ZBTB41: variants seen among roughly 807,000 people sequenced by gnomAD.
The protein encoded by ZBTB41 is zinc finger and BTB domain-containing protein 41.
Under a neutral mutation model 87.6 loss-of-function variants are expected in ZBTB41, and 42 were observed. The ratio of observed to expected loss-of-function variants is 0.48; its 90% confidence interval spans 0.37 to 0.62. ZBTB41 has a LOEUF of 0.62. Ranked by LOEUF, ZBTB41 falls within the 20% of genes least tolerant of loss-of-function variation. The probability of loss-of-function intolerance (pLI) is 0.00; values close to 1 mark genes in which losing one functional copy is unlikely to be tolerated. For synonymous variants in ZBTB41, 364 were observed against 364.0 expected (o/e 1.00, Z 0.00); for missense variants, 799 against 1,078.9 (o/e 0.74, Z 3.63).
At chr1:197,164,364 C>G (rs1659266335) in intron 10 of ZBTB41, among the ~76,000 whole-genome samples, 1 of 151,708 alleles carries the variant, frequency 6.6e-6, no homozygotes, top group Admixed American at 6.6e-5. Flanking sequence ...AAAAAAGCAT[C>G]AAGGAATCAA....
At position 197,199,674 on chromosome 1, in the gene ZBTB41, C is replaced by T. The variant is rs1330091535; in HGVS notation, c.800G>A (p.Ser267Asn). The T allele has an allele frequency of 1.2e-6, 2 of 1,613,412 alleles. No homozygotes were observed. Among genetic ancestry groups the T allele is most frequent in the African/African-American group, 2.7e-5 (2 of 74,884 alleles). ...ATCACCACTTTCCTGTTCATCATCG[C>T]TGGTGTCATCAAACTTAACAGGGCA... is the stretch of plus-strand genomic sequence containing the variant. ...RKCPVKFDDT[S>N]DDEQESGDGS... Residue 267 changes from serine to asparagine, a missense_variant, in exon 2 of 11, where the codon AGC becomes AAC. This residue lies in a region of ZBTB41 where 294 missense variants were observed against 340.1 expected (regional missense o/e 0.86). Transcript: ENST00000367405.
At chr1:197,173,974 A>G (rs528531354) in intron 9 of ZBTB41, among the ~76,000 whole-genome samples, 1 of 152,284 alleles carries the variant, frequency 6.6e-6, no homozygotes, top group Non-Finnish European at 1.5e-5. Context: ...CAAGAAAAGA[A>G]TTACTTGGTC....
intron 2 of ZBTB41, among the ~76,000 whole-genome samples, chr1:197,197,919 T>G (rs535350618): frequency 6.6e-6 from 1 of 152,206 alleles, no homozygotes; most frequent in African/African-American, 2.4e-5. Flanking sequence ...GTGTTGCACC[T>G]ACAATACCAT....
chr1:197,159,172 T>A lies in ZBTB41; in HGVS notation c.*187A>T. The A allele has an allele frequency of 1.8e-6, 1 of 569,026 alleles. No individual in the cohort carries two copies. Among genetic ancestry groups the A allele is most frequent in the Non-Finnish European group, 3.0e-6 (1 of 332,240 alleles). The allele number at this position is 569,026 out of a possible 1,614,324, so 35.2% of individuals were successfully genotyped here. A position where few individuals can be genotyped will look rare whatever the true frequency, so the allele number is the denominator to read the frequency against. ...ACAAAAATGTGCACTTCAAATATTATGCCAGAAATTTTGTCCAAATATTCA... is the reference window on the plus strand; with the variant it reads ...ACAAAAATGTGCACTTCAAATATTAAGCCAGAAATTTTGTCCAAATATTCA... On this transcript the variant is annotated 3_prime_UTR_variant, in exon 11 of 11. Transcript: ENST00000367405.
At position 197,156,481 on chromosome 1, in the gene ZBTB41, C is replaced by G. The variant is rs1659071921; in HGVS notation, c.*2878G>C. 1 of 152,114 alleles carries G rather than the reference C, an allele frequency of 6.6e-6. No homozygotes were observed. Among genetic ancestry groups the G allele is most frequent in the African/African-American group, 2.4e-5 (1 of 41,382 alleles). 9.4% of individuals were successfully genotyped at this position (152,114 alleles called of 1,614,324 possible). On this transcript the variant is annotated 3_prime_UTR_variant, in exon 11 of 11. Transcript: ENST00000367405. ...TAAAAAAATTCTGAATGAGGCTAAA[C>G]TTAGTTGCAAGATTCAAAATTTTAA...
chr1:197,196,396 C>G (rs1431803665), intron 2 of ZBTB41, among the ~76,000 whole-genome samples: 1 of 152,128 alleles, frequency 6.6e-6, no homozygotes, highest in Non-Finnish European at 1.5e-5. Flanking sequence ...TTCAATGTAT[C>G]ATAACTCTCT....
Position 197,155,696 on chromosome 1 carries a change from CTTT to C in ZBTB41, c.*3660_*3662del, listed in dbSNP as rs1468837567. ...GTCACCCTACAAAGATGCTTTGACA[CTTT>C]TTAAGGTTGATAGAAAATTATTAGT... is the stretch of plus-strand genomic sequence containing the variant. On this transcript the variant is annotated 3_prime_UTR_variant, in exon 11 of 11. Coordinates refer to ENST00000367405, the MANE Select transcript of ZBTB41 (RefSeq NM_194314.3). 1 of 152,380 alleles carries C rather than the reference CTTT, an allele frequency of 6.6e-6. No individual in the cohort carries two copies. Among genetic ancestry groups the C allele is most frequent in the East Asian group, 1.9e-4 (1 of 5,196 alleles). 9.4% of individuals were successfully genotyped at this position (152,380 alleles called of 1,614,324 possible).
rs906095933 is a variant in ZBTB41 at position 197,156,379 on chromosome 1, T to C, written c.*2980A>G. 6.6e-6 allele frequency: 1 copy of C among 152,350 alleles called. No homozygotes were observed. Among genetic ancestry groups the C allele is most frequent in the South Asian group, 2.1e-4 (1 of 4,826 alleles). 9.4% of individuals were successfully genotyped at this position (152,350 alleles called of 1,614,324 possible). A position where few individuals can be genotyped will look rare whatever the true frequency, so the allele number is the denominator to read the frequency against. On this transcript the variant is annotated 3_prime_UTR_variant, in exon 11 of 11. Transcript: ENST00000367405. ...TTAACACATTCCTGCACTTGATAAA[T>C]TATTCAATTTACAGATTAAGTGCTA... is the stretch of plus-strand genomic sequence containing the variant.
intron 3 of ZBTB41, among the ~76,000 whole-genome samples, chr1:197,191,070 C>T (rs1660018685): frequency 6.6e-6 from 1 of 151,910 alleles, no homozygotes; most frequent in Admixed American, 6.6e-5. Flanking sequence ...GTCCAGATTT[C>T]AGTAAATTTA....
intron 3 of ZBTB41, 84 bp downstream of exon 3, chr1:197,191,608 G>A (rs1660036112): frequency 9.3e-7 from 1 of 1,076,734 alleles, no homozygotes; most frequent in Non-Finnish European, 1.3e-6. Flanking sequence ...TTGGAGATAA[G>A]CACTTTATAG....
chr1:197,200,251 T>G lies in ZBTB41; in HGVS notation c.223A>C (p.Lys75Gln). ...TTCTGCCTATCATCATTTAAATATTTTAGCAAATTCTTATTATACTGCAAA... is the reference window on the plus strand; with the variant it reads ...TTCTGCCTATCATCATTTAAATATTGTAGCAAATTCTTATTATACTGCAAA... ...SSLQYNKNLL[K>Q]YLNDDRQKQP... The change falls in exon 2 of 11, where the codon AAA becomes CAA. Residue 75 changes from lysine (K) to glutamine (Q), a missense_variant. This residue lies in a region of ZBTB41 where 59 missense variants were observed against 120.1 expected (regional missense o/e 0.49). Transcript: ENST00000367405. 4 of 1,612,178 alleles carry G rather than the reference T, an allele frequency of 2.5e-6. No homozygotes were observed. The highest frequency in any genetic ancestry group is 3.4e-6 in the Non-Finnish European group (4 of 1,179,538).
chr1:197,165,787 T>C (rs1419434507), intron 10 of ZBTB41, among the ~76,000 whole-genome samples: 3 of 151,958 alleles, frequency 2.0e-5, no homozygotes, highest in Admixed American at 6.6e-5. Context: ...AAAATATATA[T>C]ATAAGCCAGT....
chr1:197,191,435 C>T (rs1364691598), intron 3 of ZBTB41, among the ~76,000 whole-genome samples: 14 of 125,996 alleles, frequency 1.1e-4, no homozygotes, highest in East Asian at 2.4e-4. Flanking sequence ...CCAGCCTGGG[C>T]GACACAGTGA....
At chr1:197,172,833 G>T (rs1334180104) in intron 9 of ZBTB41, among the ~76,000 whole-genome samples, 1 of 151,656 alleles carries the variant, frequency 6.6e-6, no homozygotes, top group Non-Finnish European at 1.5e-5. Context: ...TTATCAAAAA[G>T]GTGAAATTGC....
At chr1:197,180,200 A>G (rs1294441210) in intron 6 of ZBTB41, among the ~76,000 whole-genome samples, 2 of 152,126 alleles carry the variant, frequency 1.3e-5, no homozygotes, top group Non-Finnish European at 2.9e-5. Flanking sequence ...CTGTGTTACA[A>G]TTATCTACAG....
At chr1:197,179,668 G>A (rs1190428917) in intron 6 of ZBTB41, among the ~76,000 whole-genome samples, 2 of 152,022 alleles carry the variant, frequency 1.3e-5, no homozygotes, top group East Asian at 1.9e-4. Context: ...ATGTGCAGGT[G>A]GAAGACAGTG....
chr1:197,193,120 C>T (rs1451639323), intron 2 of ZBTB41, among the ~76,000 whole-genome samples: 1 of 152,106 alleles, frequency 6.6e-6, no homozygotes, highest in East Asian at 1.9e-4. Context: ...ATTTAGGCAT[C>T]TCCTAAATTA....
Position 197,154,557 on chromosome 1 carries a change from T to C in ZBTB41, c.*4802A>G, listed in dbSNP as rs1267017878. ...CATCTTCCACACATCTTAATCCTAT[T>C]ACATCTATCTTATTAATGCTACTTC... On this transcript the variant is annotated 3_prime_UTR_variant, in exon 11 of 11. Transcript: ENST00000367405. 6.6e-6 allele frequency: 1 copy of C among 152,060 alleles called. No homozygotes were observed. Among genetic ancestry groups the C allele is most frequent in the Non-Finnish European group, 1.5e-5 (1 of 67,928 alleles). The allele number at this position is 152,060 out of a possible 1,614,324, so 9.4% of individuals were successfully genotyped here. A position where few individuals can be genotyped will look rare whatever the true frequency, so the allele number is the denominator to read the frequency against.
chr1:197,174,844 A>G (rs891873746), intron 9 of ZBTB41, among the ~76,000 whole-genome samples, 166 bp downstream of exon 9: 3 of 152,040 alleles, frequency 2.0e-5, no homozygotes, highest in Non-Finnish European at 4.4e-5. Flanking sequence ...CAAGGAGGAA[A>G]ATATATGCTT....
Sources: gnomAD v4.1 joint callset for allele counts (sites outside exome capture counted in the v4.1 genomes callset) on GRCh38, gnomAD v4.1.1 for gene constraint, gnomAD v4.1.1 regional missense constraint, MANE v1.5 for transcripts, NCBI Gene and HGNC (gene_info 2026-07-23, HGNC 2026-07-21) for gene names.